Variants in RPS6KA2 observed in about 807,000 individuals in gnomAD.
RPS6KA2 encodes the protein ribosomal protein S6 kinase A2, also known as ribosomal protein S6 kinase alpha-2.
RPS6KA2 carries 42 observed loss-of-function variants against 91.8 expected under a neutral mutation model. The observed-to-expected ratio is 0.46, with a 90% confidence interval of 0.36 to 0.59. The LOEUF is 0.59. Among genes scored for constraint, RPS6KA2 ranks in the 20% least tolerant of loss-of-function variants. RPS6KA2 has a pLI of 0.00. For synonymous variants in RPS6KA2, 414 were observed against 393.6 expected (o/e 1.05, Z -0.61); for missense variants, 798 against 978.5 (o/e 0.82, Z 2.46).
At chr6:166,783,046 AGGTATTATTATTATTATTATTATTATT>A (rs1474407380) in intron 2 of RPS6KA2, among the ~76,000 whole-genome samples, 12 of 139,896 alleles carry the variant, frequency 8.6e-5, no homozygotes, top group African/African-American at 3.0e-4. Context: ...GGTATCTTTT[AGGTATTATTATTATTATTATTATTATT>A]ATTATTATTA....
chr6:166,797,188 C>T (rs947416906), intron 2 of RPS6KA2, among the ~76,000 whole-genome samples: 2 of 152,200 alleles, frequency 1.3e-5, no homozygotes, highest in Non-Finnish European at 1.5e-5. Flanking sequence ...AGGCACTCTG[C>T]GTCCCAGGGA....
chr6:166,489,505 C>T (rs1781521950), intron 9 of RPS6KA2, among the ~76,000 whole-genome samples: 1 of 152,220 alleles, frequency 6.6e-6, no homozygotes, highest in Admixed American at 6.5e-5. Context: ...GCCTAGTGCT[C>T]CCTCCAGAAA....
intron 2 of RPS6KA2, among the ~76,000 whole-genome samples, chr6:166,663,623 A>G (rs991723957): frequency 6.6e-6 from 1 of 152,332 alleles, no homozygotes; most frequent in East Asian, 1.9e-4. Context: ...TCGAATAACT[A>G]TTCCTACCAT....
In RPS6KA2 at chr6:166,627,104, G is replaced by C; in HGVS notation, c.-85C>G. The stretch of plus-strand genomic sequence containing the variant: ...AGGCGCGGGGCTCAGGTCCGCGGGC[G>C]GGCACGCGTGGCCAGGGAGCCCGGC... On this transcript the variant is annotated 5_prime_UTR_variant, in exon 1 of 21. Coordinates refer to ENST00000265678, the MANE Select transcript of RPS6KA2 (RefSeq NM_021135.6). 8.3e-7 allele frequency: 1 copy of C among 1,199,084 alleles called. No homozygotes were observed. Among genetic ancestry groups the C allele is most frequent in the Non-Finnish European group, 1.0e-6 (1 of 963,196 alleles). The allele number at this position is 1,199,084 out of a possible 1,614,324, so 74.3% of individuals were successfully genotyped here.
At chr6:166,828,427 C>G (rs983023060) in intron 2 of RPS6KA2, among the ~76,000 whole-genome samples, 1 of 152,274 alleles carries the variant, frequency 6.6e-6, no homozygotes, top group East Asian at 1.9e-4. Flanking sequence ...CATGCCGTAT[C>G]TGCCCTTTCC....
chr6:166,758,059 C>T (rs1293122832), intron 2 of RPS6KA2: 6 of 156,566 alleles, frequency 3.8e-5, no homozygotes, highest in Non-Finnish European at 8.4e-5. Context: ...CAACGCACAC[C>T]TGCCCCCACT....
chr6:166,627,446 C>A, upstream of RPS6KA2: 1 of 156,236 alleles, frequency 6.4e-6, no homozygotes, highest in South Asian at 2.0e-4. Context: ...CCGCCCCGCC[C>A]GGGAGAGCCC....
chr6:166,611,349 A>G (rs1212139471), intron 1 of RPS6KA2, among the ~76,000 whole-genome samples: 1 of 152,212 alleles, frequency 6.6e-6, no homozygotes, highest in Non-Finnish European at 1.5e-5. Context: ...CTCTGCTCAG[A>G]AAGTATCACT....
intron 7 of RPS6KA2, among the ~76,000 whole-genome samples, chr6:166,499,857 GAGAACAGACTAATACAGGGACTTTC>G (rs1562536919): frequency 1.3e-4 from 19 of 150,466 alleles, no homozygotes; most frequent in Non-Finnish European, 2.1e-4. Context: ...CAGGGACTTT[GAGAACAGACTAATACAGGGACTTTC>G]AGAACAGACT....
At chr6:166,710,888 CA>C (rs1204208042) in intron 2 of RPS6KA2, among the ~76,000 whole-genome samples, 1 of 152,144 alleles carries the variant, frequency 6.6e-6, no homozygotes, top group Non-Finnish European at 1.5e-5. Flanking sequence ...AATAAAATCC[CA>C]ACAAAAGCCT....
intron 2 of RPS6KA2, among the ~76,000 whole-genome samples, chr6:166,747,627 G>A (rs1323616026): frequency 1.3e-5 from 2 of 152,196 alleles, no homozygotes; most frequent in African/African-American, 4.8e-5. Flanking sequence ...AGGCTGGGCA[G>A]GGGGAAGGGG....
chr6:166,522,190 ACTGTT>A (rs1284606923), intron 3 of RPS6KA2, among the ~76,000 whole-genome samples: 2 of 152,248 alleles, frequency 1.3e-5, no homozygotes, highest in Admixed American at 6.5e-5. Flanking sequence ...ATTATAGCAT[ACTGTT>A]CTGTTCTGTT....
chr6:166,455,928 C>T (rs1483282666), intron 12 of RPS6KA2, among the ~76,000 whole-genome samples: 2 of 152,228 alleles, frequency 1.3e-5, no homozygotes, highest in Non-Finnish European at 1.5e-5. Context: ...AGAGCTTGAG[C>T]TTATTCTGGG....
rs1778344257 is a variant in RPS6KA2, at chr6:166,412,583, A to G, written c.*179T>C. The G allele has an allele frequency of 3.5e-6, 2 of 579,452 alleles. No individual in the cohort carries two copies. Among genetic ancestry groups the G allele is most frequent in the South Asian group, 2.6e-5 (1 of 38,764 alleles). The allele number at this position is 579,452 out of a possible 1,614,324, so 35.9% of individuals were successfully genotyped here. A position where few individuals can be genotyped will look rare whatever the true frequency, so the allele number is the denominator to read the frequency against. ...GGGAGGCTGGCGCAGTGAGGCTTGG[A>G]GAAGCCCCCAGGTCAGGACCCTCTC... On this transcript the variant is annotated 3_prime_UTR_variant, in exon 21 of 21. Coordinates refer to ENST00000265678, the MANE Select transcript of RPS6KA2 (RefSeq NM_021135.6). The surrounding 1 kb of genome is among the most constrained non-coding windows in gnomAD (Gnocchi z 4.3).
chr6:166,424,770 G>A (rs536140308), intron 16 of RPS6KA2, among the ~76,000 whole-genome samples: 10 of 152,328 alleles, frequency 6.6e-5, no homozygotes, highest in African/African-American at 9.6e-5. Flanking sequence ...CTGCCTCAGC[G>A]TCCCTGCGCT....
chr6:166,828,728 A>G (rs1360248873), intron 2 of RPS6KA2, among the ~76,000 whole-genome samples: 1 of 152,266 alleles, frequency 6.6e-6, no homozygotes, highest in Non-Finnish European at 1.5e-5. Flanking sequence ...ACACTCTTAG[A>G]AGAAAAGATG....
chr6:166,628,990 G>C (rs181691542), upstream of RPS6KA2, among the ~76,000 whole-genome samples: 1 of 152,218 alleles, frequency 6.6e-6, no homozygotes, highest in Non-Finnish European at 1.5e-5. Flanking sequence ...TGCTTTGCCT[G>C]CTTCCTTTAA....
intron 2 of RPS6KA2, among the ~76,000 whole-genome samples, chr6:166,771,369 T>C (rs1778468506): frequency 6.6e-6 from 1 of 152,230 alleles, no homozygotes; most frequent in Admixed American, 6.5e-5. Context: ...TACGCTCGCA[T>C]ACACCTAGTT....
chr6:166,595,487 G>T (rs1269644852), intron 1 of RPS6KA2, among the ~76,000 whole-genome samples: 3 of 152,222 alleles, frequency 2.0e-5, no homozygotes, highest in Non-Finnish European at 4.4e-5. Context: ...ACAGACTGCG[G>T]CTGTCCACTG....
Sources: gnomAD v4.1 joint callset for allele counts (sites outside exome capture counted in the v4.1 genomes callset) on GRCh38, gnomAD v4.1.1 for gene constraint, Gnocchi (gnomAD v3.1) non-coding constraint, MANE v1.5 for transcripts, NCBI Gene and HGNC (gene_info 2026-07-23, HGNC 2026-07-21) for gene names.